Variants in MAP3K20 observed in about 807,000 individuals in gnomAD.
The protein encoded by MAP3K20 is mitogen-activated protein kinase kinase kinase 20.
A neutral mutation model predicts 85.7 loss-of-function variants in MAP3K20; 40 were observed. The observed-to-expected ratio is 0.47, with a 90% confidence interval of 0.36 to 0.61. MAP3K20 has a LOEUF of 0.61. Ranked by LOEUF, MAP3K20 falls within the 20% of genes least tolerant of loss-of-function variation. The probability of loss-of-function intolerance (pLI) is 0.00; values close to 1 mark genes in which losing one functional copy is unlikely to be tolerated. For synonymous variants in MAP3K20, 325 were observed against 327.7 expected, an observed-to-expected ratio of 0.99 and a Z score of 0.09; for missense variants, 817 against 961.7, an observed-to-expected ratio of 0.85 and a Z score of 1.99.
rs79481595 is a variant in MAP3K20 at position 173,188,062 on chromosome 2, G to A, written c.415+439G>A. Among the ~76,000 whole-genome samples, 706 of 152,308 alleles carry A rather than the reference G, an allele frequency of 4.6e-3. 13 individuals are homozygous for A. Among genetic ancestry groups the A allele is most frequent in the Admixed American group, 0.029 (440 of 15,302 alleles). On this transcript the variant is annotated intron_variant, in intron 5 of 19. Coordinates refer to ENST00000375213, the MANE Select transcript of MAP3K20 (RefSeq NM_016653.3). ...GTTCTTGTTGCATCTGAATTGCGTG[G>A]TGTGAATTGTTGATGCCAGTCATGC...
chr2:173,223,933 G>A, intron 11 of MAP3K20: 21 of 985,468 alleles, frequency 2.1e-5, no homozygotes, highest in Non-Finnish European at 2.5e-5. Flanking sequence ...CCTGAAGAGA[G>A]AGCCAATAGC....
chr2:173,159,603 T>A (rs1689588388), intron 2 of MAP3K20, among the ~76,000 whole-genome samples: 2 of 152,164 alleles, frequency 1.3e-5, no homozygotes, highest in Non-Finnish European at 2.9e-5. Flanking sequence ...TTGCCCAGAC[T>A]GGTCTTGAAC....
chr2:173,221,592 C>T (rs2106321358), intron 11 of MAP3K20: 1 of 1,440,256 alleles, frequency 6.9e-7, no homozygotes, highest in East Asian at 2.5e-5. Flanking sequence ...ACTTGTTTAT[C>T]TCAGTCTGTA....
chr2:173,139,341 C>A (rs1688901871), intron 2 of MAP3K20, among the ~76,000 whole-genome samples: 1 of 152,144 alleles, frequency 6.6e-6, no homozygotes, highest in Admixed American at 6.6e-5. Flanking sequence ...TGTTTGAATT[C>A]TGATTGCTTA....
At chr2:173,208,998 T>G (rs929704875) in intron 9 of MAP3K20, among the ~76,000 whole-genome samples, 1 of 152,234 alleles carries the variant, frequency 6.6e-6, no homozygotes, top group Non-Finnish European at 1.5e-5. Context: ...CCTTACAGTG[T>G]CTTAGCACTA....
At chr2:173,142,234 A>T (rs1373903942) in intron 2 of MAP3K20, among the ~76,000 whole-genome samples, 1 of 152,226 alleles carries the variant, frequency 6.6e-6, no homozygotes, top group Non-Finnish European at 1.5e-5. Flanking sequence ...GCACTTTGGG[A>T]GGCCGAGGCG....
At position 173,216,598 on chromosome 2, in the gene MAP3K20, C is replaced by G. The variant is rs375272961; in HGVS notation, c.852-517C>G. ...AATGTACTATAACCACCACCCCTTACAACCAAGGAAACTGAGACAGGTTAG... is the reference window on the plus strand; with the variant it reads ...AATGTACTATAACCACCACCCCTTAGAACCAAGGAAACTGAGACAGGTTAG... On this transcript the variant is annotated intron_variant, in intron 10 of 19. Coordinates refer to ENST00000375213, the MANE Select transcript of MAP3K20 (RefSeq NM_016653.3). Among the ~76,000 whole-genome samples the G allele has an allele frequency of 1.4e-3, 183 of 133,166 alleles. 1 individual carries two copies. Among genetic ancestry groups the G allele is most frequent in the African/African-American group, 5.0e-3 (176 of 35,550 alleles). The allele number at this position is 133,166 out of a possible 152,430, so 87.4% of individuals were successfully genotyped here.
intron 2 of MAP3K20, among the ~76,000 whole-genome samples, chr2:173,165,057 A>G (rs1423918363): frequency 6.6e-6 from 1 of 152,186 alleles, no homozygotes; most frequent in Non-Finnish European, 1.5e-5. Context: ...CTAATAGGAC[A>G]TGACTATTAG....
chr2:173,146,400 G>A (rs1215494848), intron 2 of MAP3K20, among the ~76,000 whole-genome samples: 1 of 152,100 alleles, frequency 6.6e-6, no homozygotes, highest in Non-Finnish European at 1.5e-5. Flanking sequence ...TACTGAAGGT[G>A]AATTGAAGTG....
At chr2:173,129,943 TACTC>T (rs879795767) in intron 2 of MAP3K20, among the ~76,000 whole-genome samples, 23 of 152,172 alleles carry the variant, frequency 1.5e-4, no homozygotes, top group Non-Finnish European at 2.4e-4. Flanking sequence ...TGAATGCAGA[TACTC>T]ACTATTAGTA....
intron 2 of MAP3K20, among the ~76,000 whole-genome samples, chr2:173,140,784 C>T (rs571310887): frequency 6.6e-6 from 1 of 152,214 alleles, no homozygotes; most frequent in East Asian, 1.9e-4. Flanking sequence ...GTAGGAATCA[C>T]TTGAATGTAC....
chr2:173,156,579 T>C (rs1198004993), intron 2 of MAP3K20, among the ~76,000 whole-genome samples: 1 of 152,168 alleles, frequency 6.6e-6, no homozygotes, highest in Non-Finnish European at 1.5e-5. Context: ...TAGATTCTCA[T>C]AAAGACCGTG....
At chr2:173,254,905 T>C (rs1351465059) in intron 16 of MAP3K20, among the ~76,000 whole-genome samples, 1 of 152,248 alleles carries the variant, frequency 6.6e-6, no homozygotes, top group African/African-American at 2.4e-5. Flanking sequence ...CATTGTCAAA[T>C]TAACTTAATG....
At chr2:173,203,075 T>C (rs1346558306) in intron 8 of MAP3K20, among the ~76,000 whole-genome samples, 1 of 152,170 alleles carries the variant, frequency 6.6e-6, no homozygotes, top group Non-Finnish European at 1.5e-5. Context: ...TAGTATGGTA[T>C]ATTGAATTGT....
intron 2 of MAP3K20, among the ~76,000 whole-genome samples, chr2:173,134,117 G>T (rs762852829): frequency 4.0e-5 from 6 of 150,832 alleles, no homozygotes; most frequent in African/African-American, 1.5e-4. Context: ...TACATCATCT[G>T]GTAATCTGCA....
chr2:173,141,841 G>C (rs1481775035), intron 2 of MAP3K20, among the ~76,000 whole-genome samples: 1 of 152,058 alleles, frequency 6.6e-6, no homozygotes, highest in Non-Finnish European at 1.5e-5. Flanking sequence ...AGAAAAAAAA[G>C]ACACATTACA....
intron 1 of MAP3K20, among the ~76,000 whole-genome samples, chr2:173,088,282 A>C (rs944345048): frequency 4.6e-5 from 7 of 152,204 alleles, no homozygotes; most frequent in Admixed American, 2.0e-4. Flanking sequence ...GCTGGGAATA[A>C]TGTTTACTTT....
chr2:173,102,039 A>G (rs1687653086), intron 2 of MAP3K20, among the ~76,000 whole-genome samples: 1 of 152,230 alleles, frequency 6.6e-6, no homozygotes, highest in African/African-American at 2.4e-5. Flanking sequence ...GCCATATACA[A>G]CAAATCTTAC....
At chr2:173,254,454 AATC>A (rs1685115067) in intron 16 of MAP3K20, among the ~76,000 whole-genome samples, 1 of 151,212 alleles carries the variant, frequency 6.6e-6, no homozygotes, top group African/African-American at 2.4e-5. Flanking sequence ...AAAAAAAAAA[AATC>A]AGAGTCCACT....
Sources: gnomAD v4.1 joint callset for allele counts (sites outside exome capture counted in the v4.1 genomes callset) on GRCh38, gnomAD v4.1.1 for gene constraint, MANE v1.5 for transcripts, NCBI Gene and HGNC (gene_info 2026-07-23, HGNC 2026-07-21) for gene names.